Variants in RCAN2 observed in about 807,000 individuals in gnomAD.
The protein encoded by RCAN2 is calcipressin-2.
In RCAN2, 9 loss-of-function variants were observed where a neutral mutation model predicts 23.6. The ratio of observed to expected loss-of-function variants is 0.38; its 90% CI spans 0.23 to 0.67. The LOEUF is 0.67. RCAN2 is among the 30% of genes least tolerant of loss of function. RCAN2 has a pLI of 0.51. For synonymous variants in RCAN2, 109 were observed against 115.7 expected, an observed-to-expected ratio of 0.94 and a Z score of 0.37; for missense variants, 273 against 302.3, an observed-to-expected ratio of 0.90 and a Z score of 0.72.
intron 1 of RCAN2, among the ~76,000 whole-genome samples, chr6:46,458,791 G>A (rs370694943): frequency 1.8e-4 from 27 of 152,132 alleles, no homozygotes; most frequent in East Asian, 1.2e-3. Context: ...CCTAATTACC[G>A]TCATTTATTA....
intron 2 of RCAN2, among the ~76,000 whole-genome samples, chr6:46,262,786 A>C (rs190629391): frequency 6.6e-6 from 1 of 152,194 alleles, no homozygotes; most frequent in East Asian, 1.9e-4. Context: ...TATTCCAGCC[A>C]AACTTCTCTT....
chr6:46,361,340 C>T (rs1765007704), intron 2 of RCAN2, among the ~76,000 whole-genome samples: 1 of 152,164 alleles, frequency 6.6e-6, no homozygotes, highest in East Asian at 1.9e-4. Flanking sequence ...TCTGTAGTCA[C>T]CTTTGACTCC....
chr6:46,241,618 A>G (rs2150314288), intron 4 of RCAN2, among the ~76,000 whole-genome samples: 1 of 152,364 alleles, frequency 6.6e-6, no homozygotes, highest in South Asian at 2.1e-4. Flanking sequence ...TCTCCTTTAC[A>G]GCAATCTTAA....
intron 2 of RCAN2, among the ~76,000 whole-genome samples, chr6:46,455,645 A>G (rs10948291): frequency 0.028 from 4,254 of 152,054 alleles, 106 homozygotes; most frequent in South Asian, 0.12. Flanking sequence ...TTACGAGGTC[A>G]GGAGATCGAG....
chr6:46,441,204 C>T (rs542811725), intron 2 of RCAN2, among the ~76,000 whole-genome samples: 4 of 152,258 alleles, frequency 2.6e-5, no homozygotes, highest in South Asian at 2.1e-4. Context: ...CATTTAATCA[C>T]ATAAGAAGCC....
At chr6:46,385,655 G>A (rs1055686586) in intron 2 of RCAN2, among the ~76,000 whole-genome samples, 7 of 151,874 alleles carry the variant, frequency 4.6e-5, no homozygotes, top group African/African-American at 1.5e-4. Context: ...TCAGGAGTTC[G>A]AGACCAGCCT....
At chr6:46,442,955 C>T (rs2150423715) in intron 2 of RCAN2, among the ~76,000 whole-genome samples, 1 of 152,274 alleles carries the variant, frequency 6.6e-6, no homozygotes, top group South Asian at 2.1e-4. Flanking sequence ...CCACACTGGG[C>T]CTCTCATCTG....
At chr6:46,484,762 A>G (rs1456311525) in intron 1 of RCAN2, among the ~76,000 whole-genome samples, 1 of 152,152 alleles carries the variant, frequency 6.6e-6, no homozygotes, top group Non-Finnish European at 1.5e-5. Context: ...CTTTCCTACA[A>G]ACACTCATGT....
chr6:46,358,674 T>C (rs1161516789), intron 2 of RCAN2, among the ~76,000 whole-genome samples: 2 of 152,154 alleles, frequency 1.3e-5, no homozygotes, highest in Non-Finnish European at 2.9e-5. Context: ...TTAGTTTCAA[T>C]TGGTCTGAGA....
chr6:46,223,590 G>A (rs2150301440), intron 4 of RCAN2, among the ~76,000 whole-genome samples: 1 of 152,332 alleles, frequency 6.6e-6, no homozygotes, highest in East Asian at 1.9e-4. Context: ...CTGTAGGATG[G>A]TGGCGAGGAC....
Position 46,486,490 on chromosome 6 carries a change from T to A in RCAN2, c.-3+4683A>T, listed in dbSNP as rs577370436. Among the ~76,000 whole-genome samples, 382 of 152,312 alleles carry A rather than the reference T, an allele frequency of 2.5e-3. 2 individuals are homozygous for A. Among genetic ancestry groups the A allele is most frequent in the Non-Finnish European group, 4.3e-3 (293 of 68,022 alleles). On this transcript the variant is annotated intron_variant, in intron 1 of 4. Transcript: ENST00000371374. ...TTTATACTTCATTCCCAACACTGTATGAGAAGTACTAAGGCATGGCCCGAG... is the reference window on the plus strand; with the variant it reads ...TTTATACTTCATTCCCAACACTGTAAGAGAAGTACTAAGGCATGGCCCGAG...
chr6:46,285,021 T>C (rs867617330), intron 2 of RCAN2, among the ~76,000 whole-genome samples: 1 of 152,190 alleles, frequency 6.6e-6, no homozygotes, highest in Non-Finnish European at 1.5e-5. Context: ...TTATACACTA[T>C]CTATATATAC....
intron 2 of RCAN2, among the ~76,000 whole-genome samples, chr6:46,282,568 T>C (rs1466916555): frequency 6.6e-6 from 1 of 152,208 alleles, no homozygotes; most frequent in Non-Finnish European, 1.5e-5. Context: ...TCTGAAAAGA[T>C]GACCCTCTAT....
intron 3 of RCAN2, among the ~76,000 whole-genome samples, chr6:46,248,300 G>T (rs4714906): frequency 6.6e-6 from 1 of 152,110 alleles, no homozygotes; most frequent in South Asian, 2.1e-4. Flanking sequence ...GCTGTCATAT[G>T]ATTTAAGTTT....
rs1305787257 is a variant in RCAN2 at position 46,485,064 on chromosome 6, T to C, written c.-3+6109A>G. The stretch of plus-strand genomic sequence containing the variant: ...AAAGCTTTAAGAAGGTCTATCTGTT[T>C]GAGCCAATAGTCCCACTTCTAACAA... On this transcript the variant is annotated intron_variant, in intron 1 of 4. Transcript: ENST00000371374. Among the ~76,000 whole-genome samples, 3 of 152,350 alleles carry C rather than the reference T, an allele frequency of 2.0e-5. No individual in the cohort carries two copies. The East Asian group carries it at 5.8e-4, about 29-fold the overall frequency.
chr6:46,347,817 G>T (rs1235745044), intron 2 of RCAN2, among the ~76,000 whole-genome samples: 3 of 152,198 alleles, frequency 2.0e-5, no homozygotes, highest in Non-Finnish European at 2.9e-5. Context: ...CCAGGGGAAA[G>T]TTCAGCTTAA....
At position 46,246,910 on chromosome 6, in the gene RCAN2, G is replaced by C; in HGVS notation, c.409C>G (p.Pro137Ala). 1 of 1,565,644 alleles carries C rather than the reference G, an allele frequency of 6.4e-7. No homozygotes were observed. The highest frequency in any genetic ancestry group is 8.7e-7 in the Non-Finnish European group (1 of 1,154,876). The change falls in exon 4 of 5, where the codon CCA becomes GCA. Residue 137 changes from proline to alanine, a missense_variant. Pro to Ala is a conservative substitution (Grantham distance 27, BLOSUM62 -1). Coordinates refer to ENST00000371374, the MANE Select transcript of RCAN2 (RefSeq NM_001251974.2). ...TGCAGTTTGTCTCCATCTGTCTCTGGAGTCTGAACCTTTCAAATAGAGTAG... is the reference window on the plus strand; with the variant it reads ...TGCAGTTTGTCTCCATCTGTCTCTGCAGTCTGAACCTTTCAAATAGAGTAG... Reference protein sequence around the residue: ...LKLYFAQVQTPETDGDKLHLA... With the variant: ...LKLYFAQVQTAETDGDKLHLA...
intron 4 of RCAN2, among the ~76,000 whole-genome samples, chr6:46,234,365 C>T (rs1380406166): frequency 6.6e-6 from 1 of 152,118 alleles, no homozygotes; most frequent in Non-Finnish European, 1.5e-5. Context: ...TTTTTTTGGC[C>T]TCTTTTTCCC....
At chr6:46,227,518 G>T (rs187526389) in intron 4 of RCAN2, among the ~76,000 whole-genome samples, 81 of 151,952 alleles carry the variant, frequency 5.3e-4, no homozygotes, top group African/African-American at 1.7e-3. Flanking sequence ...TCTTGGGAGG[G>T]TGTATGTGTC....
Sources: allele counts gnomAD v4.1 joint callset (sites outside exome capture counted in the v4.1 genomes callset), GRCh38; gene constraint gnomAD v4.1.1; transcripts MANE v1.5; gene names NCBI Gene and HGNC (gene_info 2026-07-23, HGNC 2026-07-21).